PTPRD: variants seen among roughly 807,000 people sequenced by gnomAD.
PTPRD encodes the protein protein tyrosine phosphatase receptor type D.
In PTPRD, 34 loss-of-function variants were observed where a neutral mutation model predicts 214.5. The ratio of observed to expected loss-of-function variants is 0.16; its 90% CI spans 0.12 to 0.21. The LOEUF is 0.21. PTPRD is among the 10% of genes least tolerant of loss of function. The pLI, the probability that PTPRD is intolerant of heterozygous loss-of-function variation, is 1.00. For synonymous variants in PTPRD, 1,128 were observed against 845.7 expected (o/e 1.33, Z -5.79); for missense variants, 2,545 against 2,398.7 (o/e 1.06, Z -1.27).
intron 8 of PTPRD, among the ~76,000 whole-genome samples, chr9:9,557,762 C>T (rs183849922): frequency 9.9e-5 from 15 of 152,258 alleles, no homozygotes; most frequent in African/African-American, 3.4e-4. Flanking sequence ...GATCTGGAAG[C>T]CCCCTTCAAG....
At chr9:10,166,332 T>C (rs991531624) in intron 3 of PTPRD, among the ~76,000 whole-genome samples, 4 of 151,452 alleles carry the variant, frequency 2.6e-5, no homozygotes, top group Admixed American at 6.6e-5. Flanking sequence ...AGCAGGCATA[T>C]TAACTGAACA....
chr9:8,334,973 T>A (rs1370177353), intron 43 of PTPRD, among the ~76,000 whole-genome samples: 3 of 151,350 alleles, frequency 2.0e-5, no homozygotes, highest in Middle Eastern at 3.2e-3. Flanking sequence ...AGAAGTTGAA[T>A]CTCTGCATAG....
At chr9:9,534,629 G>A (rs899620294) in intron 8 of PTPRD, among the ~76,000 whole-genome samples, 8 of 151,874 alleles carry the variant, frequency 5.3e-5, no homozygotes, top group African/African-American at 1.9e-4. Flanking sequence ...ACTAAGCTTT[G>A]CCCAGGAATA....
intron 9 of PTPRD, among the ~76,000 whole-genome samples, chr9:9,369,715 G>T (rs1472958435): frequency 6.6e-6 from 1 of 152,102 alleles, no homozygotes; most frequent in African/African-American, 2.4e-5. Flanking sequence ...TATTGCCTAG[G>T]TTTTCTTCTA....
intron 10 of PTPRD, among the ~76,000 whole-genome samples, chr9:9,080,934 CA>C (rs1323767093): frequency 2.0e-5 from 3 of 151,802 alleles, no homozygotes; most frequent in Non-Finnish European, 4.4e-5. Flanking sequence ...TTAATCTTTT[CA>C]AAAAAACAGC....
intron 11 of PTPRD, among the ~76,000 whole-genome samples, chr9:8,776,875 T>C (rs980327889): frequency 6.8e-6 from 1 of 146,864 alleles, no homozygotes; most frequent in African/African-American, 2.5e-5. Flanking sequence ...AATACATATG[T>C]ATAGTATATG....
rs552785523 is a variant in PTPRD at position 10,003,476 on chromosome 9, A to T, written c.-472+30242T>A. ...GAATATATATGAATCCAATTATAAGAACAATTGTGTGTTCTGAATTAGATT... is the reference window on the plus strand; with the variant it reads ...GAATATATATGAATCCAATTATAAGTACAATTGTGTGTTCTGAATTAGATT... On this transcript the variant is annotated intron_variant, in intron 4 of 45. Transcript: ENST00000381196. Among the ~76,000 whole-genome samples the T allele has an allele frequency of 8.6e-4, 130 of 151,900 alleles. 1 individual carries two copies. In the South Asian group the frequency reaches 0.014, roughly 16 times the overall value.
chr9:8,800,434 A>G (rs2096548446), intron 11 of PTPRD, among the ~76,000 whole-genome samples: 1 of 152,150 alleles, frequency 6.6e-6, no homozygotes, highest in African/African-American at 2.4e-5. Context: ...TACAGGTCAT[A>G]AAGACCTTGC....
chr9:10,611,035 A>C (rs2133805733), intron 2 of PTPRD, among the ~76,000 whole-genome samples: 1 of 152,318 alleles, frequency 6.6e-6, no homozygotes, highest in South Asian at 2.1e-4. Context: ...GGAAGCCCTT[A>C]GGTATAATTA....
chr9:9,999,973 G>C (rs746745130), intron 4 of PTPRD, among the ~76,000 whole-genome samples: 9 of 152,160 alleles, frequency 5.9e-5, no homozygotes, highest in African/African-American at 9.6e-5. Flanking sequence ...GTTTAAGTCT[G>C]TTGTAAGAGG....
At chr9:10,443,845 T>TCA (rs141638837) in intron 2 of PTPRD, among the ~76,000 whole-genome samples, 4,833 of 148,682 alleles carry the variant, frequency 0.033, 207 homozygotes, top group African/African-American at 0.1. Flanking sequence ...TACCTCAAAT[T>TCA]CACACACACA....
At chr9:9,516,734 C>T (rs188588854) in intron 8 of PTPRD, among the ~76,000 whole-genome samples, 2 of 151,548 alleles carry the variant, frequency 1.3e-5, no homozygotes, top group East Asian at 1.9e-4. Flanking sequence ...GACGGGGCTT[C>T]GCTATGTTGG....
chr9:10,272,570 T>C (rs2094479387), intron 3 of PTPRD, among the ~76,000 whole-genome samples: 1 of 152,196 alleles, frequency 6.6e-6, no homozygotes, highest in African/African-American at 2.4e-5. Context: ...TAATAGCTGA[T>C]AAAAAACCTA....
chr9:8,877,375 T>C (rs1027179604), intron 11 of PTPRD, among the ~76,000 whole-genome samples: 1 of 152,216 alleles, frequency 6.6e-6, no homozygotes, highest in African/African-American at 2.4e-5. Context: ...CCTGAATAGG[T>C]AAACACCTTA....
chr9:9,029,971 C>A (rs940380749), intron 10 of PTPRD, among the ~76,000 whole-genome samples: 2 of 151,734 alleles, frequency 1.3e-5, no homozygotes, highest in African/African-American at 4.8e-5. Flanking sequence ...TGATGCAGAG[C>A]CAGGAACTGA....
intron 5 of PTPRD, among the ~76,000 whole-genome samples, chr9:9,919,944 A>C (rs2082081695): frequency 6.6e-6 from 1 of 152,156 alleles, no homozygotes; most frequent in African/African-American, 2.4e-5. Flanking sequence ...TACATTTGTA[A>C]CACCTATACG....
intron 2 of PTPRD, among the ~76,000 whole-genome samples, chr9:10,494,138 C>T (rs924341983): frequency 3.9e-5 from 6 of 151,900 alleles, no homozygotes; most frequent in Non-Finnish European, 5.9e-5. Context: ...AATATATTTA[C>T]ATAATCAGTT....
chr9:8,340,272 T>G (rs1851264418), intron 42 of PTPRD, 71 bp downstream of exon 42: 2 of 1,472,246 alleles, frequency 1.4e-6, no homozygotes, highest in Non-Finnish European at 1.8e-6. Flanking sequence ...ACAAGAGTTA[T>G]TGAAACAAAG....
At chr9:9,821,103 C>T (rs1049601585) in intron 5 of PTPRD, among the ~76,000 whole-genome samples, 1 of 152,054 alleles carries the variant, frequency 6.6e-6, no homozygotes. Context: ...TATTTCAATC[C>T]ATGAGCATAA....
Sources: gnomAD v4.1 joint callset for allele counts (sites outside exome capture counted in the v4.1 genomes callset) on GRCh38, gnomAD v4.1.1 for gene constraint, MANE v1.5 for transcripts, NCBI Gene and HGNC (gene_info 2026-07-23, HGNC 2026-07-21) for gene names.